The following NME6 variants were observed in gnomAD, a reference collection of about 807,000 sequenced individuals.
NME6 encodes the protein NME/NM23 nucleoside diphosphate kinase 6.
In NME6, 16 loss-of-function variants were observed where a neutral mutation model predicts 22.2. The observed-to-expected ratio is 0.72, with a 90% CI of 0.49 to 1.09. The LOEUF is 1.09. Ranked by LOEUF, NME6 falls within the 50% of genes least tolerant of loss-of-function variation. The pLI is 0.00. For synonymous variants in NME6, 58 were observed against 85.2 expected (o/e 0.68, Z 1.76); for missense variants, 229 against 239.0 (o/e 0.96, Z 0.28).
Position 48,300,575 on chromosome 3 carries a change from A to C in NME6, c.-8+778T>G, listed in dbSNP as rs958044519. On this transcript the variant is annotated intron_variant, in intron 1 of 5. Transcript: ENST00000442597. ...AGTATCTGAATGAACCAACGAATGC[A>C]CCTCATCCAGCCATTCCAAGGCCAG... 9.6e-6 allele frequency: 3 copies of C among 311,502 alleles called. No individual in the cohort carries two copies. The East Asian group carries it at 2.7e-4, about 28-fold the overall frequency. 19.3% of individuals were successfully genotyped at this position (311,502 alleles called of 1,614,324 possible).
chr3:48,296,582 G>A lies in NME6; in HGVS notation c.193+145C>T, dbSNP rs547860258. On this transcript the variant is annotated intron_variant, in intron 3 of 5. Coordinates refer to ENST00000442597, the MANE Select transcript of NME6 (RefSeq NM_001308426.2). The stretch of plus-strand genomic sequence containing the variant: ...AAAGATGGATAATCATGAAAAGTGT[G>A]TGTTTTAAACCAAGATTTTAGAAAA... The A allele has an allele frequency of 3.2e-5, 20 of 625,410 alleles. 1 individual carries two copies. The highest frequency in any genetic ancestry group is 3.0e-4 in the South Asian group (15 of 49,910). 38.7% of individuals were successfully genotyped at this position (625,410 alleles called of 1,614,324 possible).
chr3:48,299,582 TATATATA>T (rs932622721), intron 1 of NME6, among the ~76,000 whole-genome samples: 5 of 151,920 alleles, frequency 3.3e-5, no homozygotes, highest in East Asian at 3.9e-4. Flanking sequence ...TGTGTGTATA[TATATATA>T]ATATATATGT....
At chr3:48,291,181 TG>T, downstream of NME6, 1 of 329,744 alleles carries the variant, frequency 3.0e-6, no homozygotes, top group Non-Finnish European at 6.0e-6. Flanking sequence ...AAACAGGACG[TG>T]GTAAGGTGGA....
chr3:48,298,541 T>C lies in NME6; in HGVS notation c.-7-18A>G, dbSNP rs1352908825. Reference sequence around the variant, plus strand: ...TCTCACTCCTGCCATTAGAGAGCTGTATTAGGAACCCTTCAGGACGGCACT... The same window carrying C: ...TCTCACTCCTGCCATTAGAGAGCTGCATTAGGAACCCTTCAGGACGGCACT... On this transcript the variant is annotated intron_variant, in intron 1 of 5. Coordinates refer to ENST00000442597, the MANE Select transcript of NME6 (RefSeq NM_001308426.2). 1.3e-6 allele frequency: 2 copies of C among 1,573,534 alleles called. No individual in the cohort carries two copies. Among genetic ancestry groups the C allele is most frequent in the Non-Finnish European group, 8.6e-7 (1 of 1,160,476 alleles).
downstream of NME6, chr3:48,291,231 G>C: frequency 2.6e-6 from 1 of 384,138 alleles, no homozygotes; most frequent in Non-Finnish European, 5.1e-6. Context: ...AGCAGGAAGG[G>C]TATTGGGGAA....
chr3:48,295,475 G>A (rs1042947942), intron 4 of NME6: 5 of 486,636 alleles, frequency 1.0e-5, no homozygotes, highest in Non-Finnish European at 1.8e-5. Flanking sequence ...CCAGAGGACA[G>A]GTGCCTAACA....
chr3:48,299,695 T>C (rs898633955), intron 1 of NME6, among the ~76,000 whole-genome samples: 2 of 152,116 alleles, frequency 1.3e-5, no homozygotes, highest in Admixed American at 1.3e-4. Context: ...ATTTATCTTA[T>C]CCTAAAAACT....
At chr3:48,297,602 T>C (rs927879224) in intron 2 of NME6, 1 of 152,374 alleles carries the variant, frequency 6.6e-6, no homozygotes, top group Admixed American at 6.5e-5. Flanking sequence ...ACTGTGAATA[T>C]GATGCAATAT....
At chr3:48,298,393 G>C (rs1403079786) in intron 2 of NME6, 34 bp downstream of exon 2, 1 of 1,578,596 alleles carries the variant, frequency 6.3e-7, no homozygotes, top group Admixed American at 1.7e-5. Context: ...GCAATTCCCA[G>C]GGCATGCGGT....
At chr3:48,290,937 ACT>A (rs1289563764), downstream of NME6, 2 of 262,328 alleles carry the variant, frequency 7.6e-6, no homozygotes, top group Non-Finnish European at 1.5e-5. Flanking sequence ...ATGCTGAGTA[ACT>A]CTCTGTGCTA....
In NME6 at chr3:48,292,324, C is replaced by T. The variant is rs992752933; in HGVS notation, c.*2313G>A. ...CGAGTTCACACTGATATCTCCAATTCGACACCACAGGGTTTATTCTAGTTT... is the reference window on the plus strand; with the variant it reads ...CGAGTTCACACTGATATCTCCAATTTGACACCACAGGGTTTATTCTAGTTT... On this transcript the variant is annotated 3_prime_UTR_variant, in exon 6 of 6. Coordinates refer to ENST00000442597, the MANE Select transcript of NME6 (RefSeq NM_001308426.2). 2 of 152,172 alleles carry T rather than the reference C, an allele frequency of 1.3e-5. No homozygotes were observed. Among genetic ancestry groups the T allele is most frequent in the Non-Finnish European group, 2.9e-5 (2 of 68,032 alleles). The allele number at this position is 152,172 out of a possible 1,614,324, so 9.4% of individuals were successfully genotyped here. A position where few individuals can be genotyped will look rare whatever the true frequency, so the allele number is the denominator to read the frequency against.
downstream of NME6, among the ~76,000 whole-genome samples, chr3:48,288,863 A>T (rs944761414): frequency 1.3e-5 from 2 of 152,132 alleles, no homozygotes; most frequent in Non-Finnish European, 2.9e-5. Flanking sequence ...AAGGAGAAAC[A>T]GGAATGAGCC....
downstream of NME6, chr3:48,291,022 T>C (rs575284659): frequency 8.7e-5 from 25 of 287,206 alleles, no homozygotes; most frequent in South Asian, 2.4e-4. Flanking sequence ...TCCTTGGCAA[T>C]CCTTTAAGCC....
At chr3:48,290,998 G>A, downstream of NME6, 1 of 282,710 alleles carries the variant, frequency 3.5e-6, no homozygotes, top group Non-Finnish European at 7.0e-6. Context: ...TTTGGTAATC[G>A]TTCAAATTTT....
downstream of NME6, among the ~76,000 whole-genome samples, chr3:48,290,260 AAT>A (rs2034363953): frequency 1.3e-5 from 2 of 151,410 alleles, no homozygotes; most frequent in Non-Finnish European, 2.9e-5. Context: ...ATTAAAAAAA[AAT>A]TTTTTTTTAC....
At position 48,293,164 on chromosome 3, in the gene NME6, T is replaced by A. The variant is rs761423177; in HGVS notation, c.*1473A>T. The stretch of plus-strand genomic sequence containing the variant: ...CTTCCAGAATCAGCAGGTGCCCTTA[T>A]GGGAAAAGTAGCTCTAAGTCCCAGG... On this transcript the variant is annotated 3_prime_UTR_variant, in exon 6 of 6. Transcript: ENST00000442597. The A allele has an allele frequency of 1.3e-5, 2 of 152,256 alleles. No individual in the cohort carries two copies. Among genetic ancestry groups the A allele is most frequent in the Non-Finnish European group, 2.9e-5 (2 of 68,038 alleles). The allele number at this position is 152,256 out of a possible 1,614,324, so 9.4% of individuals were successfully genotyped here.
At chr3:48,299,098 G>A (rs2035436076) in intron 1 of NME6, 1 of 639,700 alleles carries the variant, frequency 1.6e-6, no homozygotes, top group South Asian at 1.8e-5. Context: ...AATCAAACCT[G>A]TTAATACACT....
rs758781006 is a variant in NME6, at chr3:48,296,078, A to C, written c.233+41T>G. The stretch of plus-strand genomic sequence containing the variant: ...AATCCATTTAGGGGCAGGGGAGATT[A>C]GCCTCAGTGGATAAAGATGCTGGAA... On this transcript the variant is annotated intron_variant, in intron 4 of 5. Coordinates refer to ENST00000442597, the MANE Select transcript of NME6 (RefSeq NM_001308426.2). 1.8e-5 allele frequency: 23 copies of C among 1,272,632 alleles called. 1 individual carries two copies. In the South Asian group the frequency reaches 2.7e-4, roughly 15 times the overall value. The allele number at this position is 1,272,632 out of a possible 1,614,324, so 78.8% of individuals were successfully genotyped here.
downstream of NME6, chr3:48,291,343 C>A: frequency 6.3e-6 from 3 of 475,120 alleles, no homozygotes; most frequent in South Asian, 4.7e-5. Flanking sequence ...GCTTCATGGT[C>A]GCAGACTTCC....
Sources: allele counts gnomAD v4.1 joint callset (sites outside exome capture counted in the v4.1 genomes callset), GRCh38; gene constraint gnomAD v4.1.1; transcripts MANE v1.5; gene names NCBI Gene and HGNC (gene_info 2026-07-23, HGNC 2026-07-21).